Variants in GPC3 observed in about 807,000 individuals in gnomAD.
The protein encoded by GPC3 is glypican-3.
A neutral mutation model predicts 34.4 loss-of-function variants in GPC3; 3 were observed. That is an observed-to-expected ratio of 0.09 (90% CI 0.04 to 0.23). The LOEUF is 0.23. Ranked by LOEUF, GPC3 falls within the 10% of genes least tolerant of loss-of-function variation. GPC3 has a pLI of 1.00. For missense variants in GPC3, 351 were observed against 445.6 expected (o/e 0.79, Z 1.91); for synonymous variants, 177 against 174.0 (o/e 1.02, Z -0.13).
At chrX:133,694,828 T>C (rs2071099321) in intron 4 of GPC3, among the ~76,000 whole-genome samples, 1 of 108,443 alleles carries the variant, frequency 9.2e-6, no homozygotes, top group African/African-American at 3.4e-5. Flanking sequence ...TGGTGGATCA[T>C]AAAGATTATT....
At position 133,953,054 on chromosome X, in the gene GPC3, G is replaced by A; in HGVS notation, c.333C>T (p.Phe111=). 1 of 1,208,628 alleles carries A rather than the reference G, an allele frequency of 8.3e-7. No individual in the cohort carries two copies. Among genetic ancestry groups the A allele is most frequent in the African/African-American group, 1.7e-5 (1 of 57,698 alleles). The change falls in exon 2 of 8, where the codon TTC becomes TTT. Residue 111 remains phenylalanine (F), a synonymous_variant. Transcript: ENST00000370818. ...KFLIIQNAAV[F]QEAFEIVVRH... is the part of the protein sequence containing the mutation. ...AAAATAATCCCCAGAACTCACCTTG[G>A]AAAACCGCAGCATTCTGAATAATTA...
intron 2 of GPC3, among the ~76,000 whole-genome samples, chrX:133,796,884 C>G (rs1317872113): frequency 1.8e-5 from 2 of 111,356 alleles, no homozygotes; most frequent in Admixed American, 9.6e-5. Context: ...CCTACCTAGG[C>G]TCATGGTAAT....
chrX:133,804,034 C>G (rs2075623832), intron 2 of GPC3, among the ~76,000 whole-genome samples: 1 of 110,093 alleles, frequency 9.1e-6, no homozygotes, highest in Non-Finnish European at 1.9e-5. Flanking sequence ...AATTACCCCC[C>G]CCTTTTTTAA....
chrX:133,673,020 C>A (rs1213497573), intron 5 of GPC3, among the ~76,000 whole-genome samples: 1 of 107,791 alleles, frequency 9.3e-6, no homozygotes, highest in Non-Finnish European at 1.9e-5. Flanking sequence ...CGGCTCCCTG[C>A]AACCTCTGCC....
chrX:133,573,772 T>C (rs1211875353), intron 7 of GPC3, among the ~76,000 whole-genome samples: 1 of 112,273 alleles, frequency 8.9e-6, no homozygotes, highest in Non-Finnish European at 1.9e-5. Context: ...TAAACAAGAA[T>C]TAAATAAATG....
In GPC3 at chrX:133,985,332, A is replaced by G. The variant is rs1238291553; in HGVS notation, c.118T>C (p.Ser40Pro). ...PPDATCHQVR[S>P]FFQRLQPGLK... ...CCGGGCTGCAGTCTCTGGAAGAAGG[A>G]GCGGACTTGGTGACAGGTGGCGTCC... Residue 40 changes from serine to proline, a missense_variant, in exon 1 of 8, where the codon TCC becomes CCC. Transcript: ENST00000370818. The G allele has an allele frequency of 8.3e-7, 1 of 1,208,394 alleles. No individual in the cohort carries two copies. Among genetic ancestry groups the G allele is most frequent in the African/African-American group, 1.7e-5 (1 of 57,297 alleles).
At chrX:133,630,124 T>C (rs936111413) in intron 6 of GPC3, among the ~76,000 whole-genome samples, 12 of 111,502 alleles carry the variant, frequency 1.1e-4, no homozygotes, top group African/African-American at 3.6e-4. Flanking sequence ...TTGAGTTACT[T>C]GGGGTTTGTG....
At chrX:133,551,251 C>T (rs771795610) in intron 7 of GPC3, among the ~76,000 whole-genome samples, 3 of 109,415 alleles carry the variant, frequency 2.7e-5, no homozygotes, top group Non-Finnish European at 5.7e-5. Context: ...AACACAGGCT[C>T]GTTAATGAAG....
At chrX:133,809,788 T>C (rs1344475780) in intron 2 of GPC3, among the ~76,000 whole-genome samples, 1 of 112,015 alleles carries the variant, frequency 8.9e-6, no homozygotes, top group Non-Finnish European at 1.9e-5. Flanking sequence ...AGTATTTTTA[T>C]TCTGCGAGTC....
intron 6 of GPC3, among the ~76,000 whole-genome samples, chrX:133,655,627 G>A (rs1023486909): frequency 8.1e-5 from 9 of 111,056 alleles, no homozygotes; most frequent in African/African-American, 3.0e-4. Flanking sequence ...CATTTGGGAA[G>A]GTCTTTTATT....
chrX:133,618,910 A>G (rs1226408548), intron 6 of GPC3, among the ~76,000 whole-genome samples: 1 of 111,309 alleles, frequency 9.0e-6, no homozygotes, highest in East Asian at 2.8e-4. Context: ...TGACCCACAG[A>G]ATGGGAGAAA....
At chrX:133,776,878 C>CTTTTTTTTTTT (rs10633635) in intron 2 of GPC3, among the ~76,000 whole-genome samples, 20 of 79,602 alleles carry the variant, frequency 2.5e-4, no homozygotes, top group Admixed American at 5.5e-4. Context: ...CCTTTCTTTT[C>CTTTTTTTTTTT]TTTTTTTTTT....
chrX:133,734,346 G>T (rs758300438), intron 3 of GPC3, among the ~76,000 whole-genome samples: 2 of 111,306 alleles, frequency 1.8e-5, no homozygotes, highest in East Asian at 5.6e-4. Flanking sequence ...ATGCTTTGAT[G>T]ATAATAAAAA....
chrX:133,808,728 T>G (rs765012494), intron 2 of GPC3, among the ~76,000 whole-genome samples: 17 of 104,396 alleles, frequency 1.6e-4, no homozygotes, highest in African/African-American at 6.5e-4. Flanking sequence ...GTATTTAAAG[T>G]GCCCAGGACA....
chrX:133,568,095 A>C (rs1016495187), intron 7 of GPC3, among the ~76,000 whole-genome samples: 1 of 112,179 alleles, frequency 8.9e-6, no homozygotes, highest in African/African-American at 3.2e-5. Flanking sequence ...ATAATCAGAG[A>C]GCTGGAATGA....
At chrX:133,646,420 C>T (rs912191907) in intron 6 of GPC3, among the ~76,000 whole-genome samples, 1 of 111,778 alleles carries the variant, frequency 8.9e-6, no homozygotes, top group African/African-American at 3.3e-5. Flanking sequence ...AGGGAAAGCA[C>T]GAGAAAGCTA....
chrX:133,709,037 T>G (rs769071551), intron 3 of GPC3, among the ~76,000 whole-genome samples: 1 of 112,353 alleles, frequency 8.9e-6, no homozygotes, highest in Non-Finnish European at 1.9e-5. Context: ...TTCTTTAAAC[T>G]TAATTGGCCA....
intron 2 of GPC3, among the ~76,000 whole-genome samples, chrX:133,847,542 C>T (rs1162898865): frequency 8.9e-6 from 1 of 112,174 alleles, no homozygotes; most frequent in Non-Finnish European, 1.9e-5. Flanking sequence ...TTTTCCATTG[C>T]CTTTTTTCCA....
chrX:133,687,092 A>ATTTTTTTTTTT (rs775110101), intron 5 of GPC3, among the ~76,000 whole-genome samples: 83 of 69,214 alleles, frequency 1.2e-3, no homozygotes, highest in African/African-American at 4.1e-3. Flanking sequence ...TGGCCGGCTA[A>ATTTTTTTTTTT]TTTTTTTTTT....
Sources: allele counts gnomAD v4.1 joint callset (sites outside exome capture counted in the v4.1 genomes callset), GRCh38; gene constraint gnomAD v4.1.1; transcripts MANE v1.5; gene names NCBI Gene and HGNC (gene_info 2026-07-23, HGNC 2026-07-21).